BMPR1B: variants seen among roughly 807,000 people sequenced by gnomAD.
The protein encoded by BMPR1B is bone morphogenetic protein receptor type 1B.
In BMPR1B, 12 loss-of-function variants were observed where a neutral mutation model predicts 59.1. The observed-to-expected ratio is 0.20, with a 90% CI of 0.13 to 0.33. BMPR1B has a LOEUF of 0.33. Ranked by LOEUF, BMPR1B falls within the 10% of genes least tolerant of loss-of-function variation. BMPR1B has a pLI of 1.00. For synonymous variants in BMPR1B, 237 were observed against 207.3 expected (o/e 1.14, Z -1.23); for missense variants, 550 against 610.9 (o/e 0.90, Z 1.05).
intron 1 of BMPR1B, among the ~76,000 whole-genome samples, chr4:94,866,697 G>C (rs959091297): frequency 6.6e-6 from 1 of 152,092 alleles, no homozygotes; most frequent in Non-Finnish European, 1.5e-5. Flanking sequence ...CGATTCTCCT[G>C]CTTCAGCCTC....
At position 94,846,781 on chromosome 4, in the gene BMPR1B, G is replaced by C. The variant is rs536203317; in HGVS notation, c.-182-29050G>C. Among the ~76,000 whole-genome samples, 9 of 151,574 alleles carry C rather than the reference G, an allele frequency of 5.9e-5. No individual in the cohort carries two copies. The East Asian group carries it at 1.6e-3, about 26-fold the overall frequency. On this transcript the variant is annotated intron_variant, in intron 1 of 12. Transcript: ENST00000515059. ...TGTCCTTCTAGAGAACCCTAATACA[G>C]TATACGAACATCAAATCAAAATAGA... is the stretch of plus-strand genomic sequence containing the variant.
intron 1 of BMPR1B, among the ~76,000 whole-genome samples, chr4:94,845,870 T>C (rs946843648): frequency 1.3e-5 from 2 of 152,190 alleles, no homozygotes; most frequent in Admixed American, 6.5e-5. Flanking sequence ...TATTTTGGCA[T>C]AATAGAGAAT....
chr4:94,773,688 T>A (rs1578627154), intron 1 of BMPR1B, among the ~76,000 whole-genome samples: 1 of 152,086 alleles, frequency 6.6e-6, no homozygotes, highest in East Asian at 1.9e-4. Context: ...AGATAAAAAA[T>A]ACGCAGAGGT....
intron 1 of BMPR1B, among the ~76,000 whole-genome samples, chr4:94,827,941 T>C (rs930925383): frequency 6.6e-6 from 1 of 152,192 alleles, no homozygotes; most frequent in Non-Finnish European, 1.5e-5. Context: ...CTTTTCCTTT[T>C]CTCAGTTAAC....
At chr4:94,963,383 A>G (rs948321927) in intron 2 of BMPR1B, among the ~76,000 whole-genome samples, 20 of 152,074 alleles carry the variant, frequency 1.3e-4, no homozygotes, top group African/African-American at 3.6e-4. Flanking sequence ...TTGGTTGCCT[A>G]TGCTTTTGAG....
At chr4:94,784,690 A>G (rs1722700793) in intron 1 of BMPR1B, among the ~76,000 whole-genome samples, 1 of 152,100 alleles carries the variant, frequency 6.6e-6, no homozygotes, top group Non-Finnish European at 1.5e-5. Context: ...TAAAATTTAT[A>G]CTGGGCCCAG....
chr4:95,024,278 T>C (rs573875078), intron 3 of BMPR1B, among the ~76,000 whole-genome samples: 11 of 152,348 alleles, frequency 7.2e-5, no homozygotes, highest in African/African-American at 2.4e-4. Flanking sequence ...TCTTTGATGA[T>C]GAGAAATTAT....
At chr4:95,114,962 C>A (rs752342686) in intron 5 of BMPR1B, 140 bp downstream of exon 5, 9 of 792,582 alleles carry the variant, frequency 1.1e-5, no homozygotes, top group Non-Finnish European at 2.0e-5. Context: ...AGGTCAGCAA[C>A]AGATGGTATG....
At position 94,843,273 on chromosome 4, in the gene BMPR1B, T is replaced by A. The variant is rs1725170808; in HGVS notation, c.-182-32558T>A. ...AAAGGAAGCCTTTGCCAGGTAAATT[T>A]GTGGAAGTTTATTATCAAAACAATT... On this transcript the variant is annotated intron_variant, in intron 1 of 12. Coordinates refer to ENST00000515059, the MANE Select transcript of BMPR1B (RefSeq NM_001203.3). 1.3e-5 allele frequency among the ~76,000 whole-genome samples: 2 copies of A among 152,184 alleles called. 1 individual carries two copies. The highest frequency in any genetic ancestry group is 4.1e-4 in the South Asian group (2 of 4,838).
intron 1 of BMPR1B, among the ~76,000 whole-genome samples, chr4:94,831,018 C>T (rs947222469): frequency 1.3e-5 from 2 of 152,050 alleles, no homozygotes; most frequent in Non-Finnish European, 2.9e-5. Context: ...AAAAGGTTAA[C>T]TGTAAAAAAG....
At chr4:94,943,497 G>A (rs1320281549) in intron 2 of BMPR1B, among the ~76,000 whole-genome samples, 1 of 152,100 alleles carries the variant, frequency 6.6e-6, no homozygotes, top group African/African-American at 2.4e-5. Flanking sequence ...GTCTAAATAA[G>A]GATAATAATA....
chr4:94,848,212 CAGTTAAGCTCTCAATCTA>C (rs1395057946), intron 1 of BMPR1B, among the ~76,000 whole-genome samples: 2 of 91,764 alleles, frequency 2.2e-5, no homozygotes, highest in African/African-American at 1.3e-4. Flanking sequence ...AGCTAGATAT[CAGTTAAGCTCTCAATCTA>C]TGAAAGCCAT....
intron 4 of BMPR1B, among the ~76,000 whole-genome samples, chr4:95,109,751 C>CA (rs1029385334): frequency 7.9e-5 from 12 of 151,390 alleles, no homozygotes; most frequent in South Asian, 4.2e-4. Flanking sequence ...GACGTGTGCA[C>CA]AATGTGCAGC....
At chr4:95,090,461 TTGGAGG>T (rs1729898811) in intron 3 of BMPR1B, among the ~76,000 whole-genome samples, 1 of 152,042 alleles carries the variant, frequency 6.6e-6, no homozygotes, top group Non-Finnish European at 1.5e-5. Context: ...AGATACTAGC[TTGGAGG>T]AACATGATTT....
chr4:95,116,003 T>A (rs991054944), intron 6 of BMPR1B, among the ~76,000 whole-genome samples: 21 of 152,168 alleles, frequency 1.4e-4, no homozygotes, highest in African/African-American at 5.1e-4. Flanking sequence ...TTTTTATTTT[T>A]TCCCACTTCT....
rs1453723482 is a variant in BMPR1B at position 94,987,045 on chromosome 4, A to AAT, written c.-112-8994_-112-8993insTA. ...GACAGAGCCAGACTCTGTCTCAAAAAAAATATATATATATATAATATATAA... is the reference window on the plus strand; with the variant it reads ...GACAGAGCCAGACTCTGTCTCAAAAAATAAATATATATATATATAATATATAA... On this transcript the variant is annotated intron_variant, in intron 2 of 12. Transcript: ENST00000515059. Among the ~76,000 whole-genome samples the AAT allele has an allele frequency of 5.7e-4, 12 of 20,954 alleles. No individual in the cohort carries two copies. The Admixed American group carries it at 8.8e-3, about 15-fold the overall frequency. 13.7% of individuals were successfully genotyped at this position (20,954 alleles called of 152,430 possible).
chr4:95,054,811 G>A (rs965622482), intron 3 of BMPR1B, among the ~76,000 whole-genome samples: 1 of 152,132 alleles, frequency 6.6e-6, no homozygotes, highest in African/African-American at 2.4e-5. Flanking sequence ...AAAGGACTCT[G>A]GGTTTGTTGT....
Position 94,766,746 on chromosome 4 carries a change from A to G in BMPR1B, c.-183+8678A>G, listed in dbSNP as rs373746230. On this transcript the variant is annotated intron_variant, in intron 1 of 12. Transcript: ENST00000515059. ...TTTTGGGTCTTTTTTTCTTTACTGA[A>G]TTGAGAGCATAATATACTGTGGTTT... 9.9e-5 allele frequency among the ~76,000 whole-genome samples: 15 copies of G among 151,972 alleles called. No individual in the cohort carries two copies. In the South Asian group the frequency reaches 1.9e-3, roughly 19 times the overall value.
chr4:94,897,403 G>A (rs1727629346), intron 2 of BMPR1B, among the ~76,000 whole-genome samples: 1 of 151,928 alleles, frequency 6.6e-6, no homozygotes, highest in South Asian at 2.1e-4. Flanking sequence ...GGCTGTTAAG[G>A]TACTGTTCTT....
Sources: gnomAD v4.1 joint callset for allele counts (sites outside exome capture counted in the v4.1 genomes callset) on GRCh38, gnomAD v4.1.1 for gene constraint, MANE v1.5 for transcripts, NCBI Gene and HGNC (gene_info 2026-07-23, HGNC 2026-07-21) for gene names.